The following CYP20A1 variants were observed in gnomAD, a reference collection of about 807,000 sequenced individuals.
CYP20A1 encodes the protein cytochrome P450 20A1.
A neutral mutation model predicts 61.4 loss-of-function variants in CYP20A1; 61 were observed. That is an observed-to-expected ratio of 0.99 (90% CI 0.81 to 1.23). The LOEUF (loss-of-function observed/expected upper bound fraction) is 1.23. Ranked by LOEUF, CYP20A1 falls within the 50% of genes most tolerant of loss-of-function variation. The pLI is 0.00. For missense variants in CYP20A1, 530 were observed against 542.4 expected, an observed-to-expected ratio of 0.98 and a Z score of 0.23; for synonymous variants, 193 against 188.2, an observed-to-expected ratio of 1.03 and a Z score of -0.21.
intron 8 of CYP20A1, among the ~76,000 whole-genome samples, chr2:203,281,930 T>G (rs750245336): frequency 6.6e-6 from 1 of 152,142 alleles, no homozygotes; most frequent in Non-Finnish European, 1.5e-5. Flanking sequence ...GATACAAATG[T>G]AAACGTCCCA....
chr2:203,272,581 A>G (rs1260400044), intron 5 of CYP20A1, 89 bp from the exon 6 acceptor site: 1 of 415,160 alleles, frequency 2.4e-6, no homozygotes, highest in Non-Finnish European at 4.3e-6. Flanking sequence ...AGAGTTAAAG[A>G]GTTCCTAAGT....
chr2:203,247,880 G>A (rs2066516887), intron 3 of CYP20A1, among the ~76,000 whole-genome samples: 1 of 151,638 alleles, frequency 6.6e-6, no homozygotes, highest in African/African-American at 2.4e-5. Flanking sequence ...ATATTAATGA[G>A]GGAAATACTT....
Position 203,246,825 on chromosome 2 carries a change from T to G in CYP20A1, c.193T>G (p.Tyr65Asp), listed in dbSNP as rs2066474536. ...GTTCCTGGTTAATTTGCATGAGAGA[T>G]ATGGGCCTGTGGTCTCCTTCTGGTT... ...HEFLVNLHER[Y>D]GPVVSFWFGR... The change falls in exon 3 of 13, where the codon TAT (tyrosine) becomes GAT (aspartate). Residue 65 changes from tyrosine (Y) to aspartate (D), a missense_variant. Coordinates refer to ENST00000356079, the MANE Select transcript of CYP20A1 (RefSeq NM_177538.3). 1 of 1,614,176 alleles carries G rather than the reference T, an allele frequency of 6.2e-7. No homozygotes were observed. The highest frequency in any genetic ancestry group is 8.5e-7 in the Non-Finnish European group (1 of 1,180,032).
At chr2:203,293,302 G>A (rs570149449) in intron 11 of CYP20A1, among the ~76,000 whole-genome samples, 269 of 127,390 alleles carry the variant, frequency 2.1e-3, no homozygotes, top group Non-Finnish European at 3.6e-3. Flanking sequence ...TGCAAGCTCC[G>A]CCTCCCAGGT....
In CYP20A1 at chr2:203,303,309, T is replaced by G. The variant is rs1209466887; in HGVS notation, c.*6401T>G. 6.6e-6 allele frequency among the ~76,000 whole-genome samples: 1 copy of G among 151,996 alleles called. No individual in the cohort carries two copies. The highest frequency in any genetic ancestry group is 1.5e-5 in the Non-Finnish European group (1 of 68,014). ...CATGAGCCACTGTGCCCGGCCATTT[T>G]TTTGTGTTTTTAGTGGAGACAGGTT... On this transcript the variant is annotated 3_prime_UTR_variant, in exon 13 of 13. Coordinates refer to ENST00000356079, the MANE Select transcript of CYP20A1 (RefSeq NM_177538.3).
At chr2:203,281,803 A>AAAAAAAC (rs935461174) in intron 8 of CYP20A1, among the ~76,000 whole-genome samples, 2 of 152,150 alleles carry the variant, frequency 1.3e-5, no homozygotes, top group Non-Finnish European at 2.9e-5. Context: ...TCTGTCTCAA[A>AAAAAAAC]AAAAAACAAA....
intron 10 of CYP20A1, among the ~76,000 whole-genome samples, chr2:203,290,086 G>A (rs932758893): frequency 4.0e-5 from 6 of 151,752 alleles, no homozygotes; most frequent in Admixed American, 1.3e-4. Context: ...GATTACAGGC[G>A]CCCGCCACCA....
At chr2:203,266,149 A>G (rs2067314662) in intron 4 of CYP20A1, among the ~76,000 whole-genome samples, 1 of 152,188 alleles carries the variant, frequency 6.6e-6, no homozygotes, top group Non-Finnish European at 1.5e-5. Flanking sequence ...ATTGATTATT[A>G]TGTCACAGGC....
In CYP20A1 at chr2:203,244,543, G is replaced by A. The variant is rs1367536863; in HGVS notation, c.73-1303G>A. On this transcript the variant is annotated intron_variant, in intron 1 of 12. Transcript: ENST00000356079. ...TGTTTCTTGCATCATCATAATGAAA[G>A]TGGTAGAATGGACCTTGATTTTTTT... Among the ~76,000 whole-genome samples, 10 of 151,858 alleles carry A rather than the reference G, an allele frequency of 6.6e-5. No individual in the cohort carries two copies. In the East Asian group the frequency reaches 1.9e-3, roughly 29 times the overall value.
rs776064140 is a variant in CYP20A1, at chr2:203,246,728, T to G, written c.123-27T>G. The G allele has an allele frequency of 8.8e-6, 14 of 1,599,794 alleles. No individual in the cohort carries two copies. The African/African-American group carries it at 1.1e-4, about 12-fold the overall frequency. On this transcript the variant is annotated intron_variant, in intron 2 of 12. Coordinates refer to ENST00000356079, the MANE Select transcript of CYP20A1 (RefSeq NM_177538.3). Reference sequence around the variant, plus strand: ...TCATTTTTCCAAATTAAATTGATTATTTTGTCAAATGTTGCTCTTTTGCCA... The same window carrying G: ...TCATTTTTCCAAATTAAATTGATTAGTTTGTCAAATGTTGCTCTTTTGCCA...
chr2:203,303,070 G>A lies in CYP20A1; in HGVS notation c.*6162G>A, dbSNP rs565045097. On this transcript the variant is annotated 3_prime_UTR_variant, in exon 13 of 13. Transcript: ENST00000356079. ...GGCTGGAGTGTGGTGGCACGATCTT[G>A]GCTCACTGCAACCCCTGCCTCCCAG... is the stretch of plus-strand genomic sequence containing the variant. Among the ~76,000 whole-genome samples, 258 of 151,888 alleles carry A rather than the reference G, an allele frequency of 1.7e-3. No individual in the cohort carries two copies. The highest frequency in any genetic ancestry group is 2.7e-3 in the Non-Finnish European group (182 of 67,980).
intron 1 of CYP20A1, among the ~76,000 whole-genome samples, chr2:203,242,525 A>C (rs117514507): frequency 6.6e-6 from 1 of 152,128 alleles, no homozygotes; most frequent in Non-Finnish European, 1.5e-5. Context: ...CGGTGACTCA[A>C]GCCTATAATC....
At chr2:203,256,123 C>T (rs528951361) in intron 4 of CYP20A1, among the ~76,000 whole-genome samples, 1 of 150,308 alleles carries the variant, frequency 6.7e-6, no homozygotes, top group East Asian at 2.0e-4. Context: ...GCCACCATGC[C>T]TGGCTAGTTG....
At chr2:203,265,568 T>G (rs1364693533) in intron 4 of CYP20A1, among the ~76,000 whole-genome samples, 3 of 152,248 alleles carry the variant, frequency 2.0e-5, no homozygotes, top group African/African-American at 7.2e-5. Flanking sequence ...TGTATCTATG[T>G]CTTAAATTTT....
At chr2:203,292,146 T>A (rs935184338) in intron 10 of CYP20A1, 116 bp from the exon 11 acceptor site, 15 of 575,258 alleles carry the variant, frequency 2.6e-5, no homozygotes, top group Non-Finnish European at 4.2e-5. Context: ...GCATTATTTT[T>A]AAATTATTAT....
chr2:203,284,705 G>A (rs2152101455), intron 8 of CYP20A1, among the ~76,000 whole-genome samples: 1 of 147,854 alleles, frequency 6.8e-6, no homozygotes, highest in Middle Eastern at 3.6e-3. Context: ...TATAGCATCA[G>A]CCATCTCCCA....
At chr2:203,292,750 A>C (rs2068591632) in intron 11 of CYP20A1, among the ~76,000 whole-genome samples, 1 of 152,044 alleles carries the variant, frequency 6.6e-6, no homozygotes, top group Admixed American at 6.6e-5. Context: ...TGAACCACCA[A>C]GCCTGACCTG....
In CYP20A1 at chr2:203,304,343, G is replaced by A. The variant is rs564850977; in HGVS notation, c.*7435G>A. Among the ~76,000 whole-genome samples, 11 of 152,196 alleles carry A rather than the reference G, an allele frequency of 7.2e-5. No homozygotes were observed. In the East Asian group the frequency reaches 1.2e-3, roughly 16 times the overall value. On this transcript the variant is annotated 3_prime_UTR_variant, in exon 13 of 13. Transcript: ENST00000356079. The stretch of plus-strand genomic sequence containing the variant: ...CTCCCGAGTAGCTGCGACTACAGGC[G>A]AGTGCCTCCATGCCCAGCTAATTTT...
rs2066475708 is a variant in CYP20A1 at position 203,246,848 on chromosome 2, G to T, written c.216G>T (p.Trp72Cys). ...GATATGGGCCTGTGGTCTCCTTCTG[G>T]TTTGGCAGGCGCCTCGTGGTTAGTT... The part of the protein sequence containing the change: ...HERYGPVVSF[W>C]FGRRLVVSLG... The change falls in exon 3 of 13, where the codon TGG becomes TGT. Residue 72 changes from tryptophan (W) to cysteine (C), a missense_variant. By Grantham distance (215) the Trp-to-Cys change is radical. Coordinates refer to ENST00000356079, the MANE Select transcript of CYP20A1 (RefSeq NM_177538.3). 1 of 1,614,190 alleles carries T rather than the reference G, an allele frequency of 6.2e-7. No homozygotes were observed. Among genetic ancestry groups the T allele is most frequent in the African/African-American group, 1.3e-5 (1 of 75,036 alleles).
Sources: gnomAD v4.1 joint callset for allele counts (sites outside exome capture counted in the v4.1 genomes callset) on GRCh38, gnomAD v4.1.1 for gene constraint, MANE v1.5 for transcripts, NCBI Gene and HGNC (gene_info 2026-07-23, HGNC 2026-07-21) for gene names.